The following GRAMD1C variants were observed in gnomAD, a reference collection of about 807,000 sequenced individuals.
The protein encoded by GRAMD1C is protein Aster-C.
A neutral mutation model predicts 97.8 loss-of-function variants in GRAMD1C; 89 were observed. The observed-to-expected ratio is 0.91, with a 90% CI of 0.77 to 1.09. The LOEUF (loss-of-function observed/expected upper bound fraction) is 1.09, where lower values mean the gene tolerates loss of function less well. Among genes scored for constraint, GRAMD1C ranks in the 50% least tolerant of loss-of-function variants. The probability of loss-of-function intolerance (pLI) is 0.00; values close to 1 mark genes in which losing one functional copy is unlikely to be tolerated. For missense variants in GRAMD1C, 740 were observed against 766.4 expected, an observed-to-expected ratio of 0.97 and a Z score of 0.41; for synonymous variants, 256 against 267.0, an observed-to-expected ratio of 0.96 and a Z score of 0.40.
chr3:113,904,032 A>G, intron 7 of GRAMD1C, 108 bp from the exon 8 acceptor site: 1 of 730,624 alleles, frequency 1.4e-6, no homozygotes, highest in Non-Finnish European at 2.3e-6. Flanking sequence ...ACAGTAGTCC[A>G]TTTATTATCA....
At chr3:113,916,079 A>G (rs557154152) in intron 10 of GRAMD1C, among the ~76,000 whole-genome samples, 2 of 152,240 alleles carry the variant, frequency 1.3e-5, no homozygotes, top group Non-Finnish European at 2.9e-5. Flanking sequence ...AACTAAAAGT[A>G]TATTTATTCA....
rs1374217258 is a variant in GRAMD1C, at chr3:113,871,755, A to AAC, written c.259+2165_259+2166insCA. On this transcript the variant is annotated intron_variant, in intron 3 of 17. Coordinates refer to ENST00000358160, the MANE Select transcript of GRAMD1C (RefSeq NM_017577.5). The stretch of plus-strand genomic sequence containing the variant: ...GTGAGACTCTGTCTCAAAAAAAAAA[A>AAC]AAAAAAAAAAACAACCAACAATAAC... Among the ~76,000 whole-genome samples, 230 of 150,470 alleles carry AAC rather than the reference A, an allele frequency of 1.5e-3. 1 individual carries two copies. The highest frequency in any genetic ancestry group is 6.9e-3 in the Middle Eastern group (2 of 290).
intron 13 of GRAMD1C, 59 bp from the exon 14 acceptor site, chr3:113,936,207 T>C: frequency 2.1e-6 from 2 of 964,004 alleles, no homozygotes; most frequent in South Asian, 3.2e-5. Flanking sequence ...CAAAACCCAT[T>C]GTATCTTATA....
intron 2 of GRAMD1C, among the ~76,000 whole-genome samples, chr3:113,851,353 T>G (rs1370539986): frequency 6.6e-6 from 1 of 152,082 alleles, no homozygotes; most frequent in Non-Finnish European, 1.5e-5. Context: ...TAAAAAAGAT[T>G]AGAGTTCGAA....
chr3:113,932,683 G>A (rs2107368419), intron 11 of GRAMD1C, among the ~76,000 whole-genome samples: 1 of 152,222 alleles, frequency 6.6e-6, no homozygotes, highest in Admixed American at 6.5e-5. Flanking sequence ...AAATGACACA[G>A]GGGCAGCAAA....
chr3:113,923,480 G>C (rs979004179), intron 10 of GRAMD1C, among the ~76,000 whole-genome samples: 9 of 152,280 alleles, frequency 5.9e-5, no homozygotes, highest in African/African-American at 2.2e-4. Context: ...AACATGAACA[G>C]ATGTTGAATT....
intron 6 of GRAMD1C, chr3:113,885,712 T>C (rs999392324): frequency 3.2e-6 from 5 of 1,542,234 alleles, no homozygotes; most frequent in Admixed American, 3.3e-5. Context: ...ATCTATGGCT[T>C]TGCTGTGGCA....
At chr3:113,877,176 T>C (rs534483544) in intron 5 of GRAMD1C, among the ~76,000 whole-genome samples, 61 of 152,208 alleles carry the variant, frequency 4.0e-4, no homozygotes, top group Non-Finnish European at 8.1e-4. Flanking sequence ...CTTATCCCTA[T>C]AGAACACTTG....
intron 1 of GRAMD1C, among the ~76,000 whole-genome samples, chr3:113,829,329 C>A (rs1709529099): frequency 6.6e-6 from 1 of 152,122 alleles, no homozygotes; most frequent in South Asian, 2.1e-4. Context: ...GGGCCTGTGG[C>A]CCCAGGTACT....
intron 1 of GRAMD1C, among the ~76,000 whole-genome samples, chr3:113,829,888 T>G (rs927300351): frequency 6.6e-6 from 1 of 152,090 alleles, no homozygotes; most frequent in African/African-American, 2.4e-5. Context: ...CTGAGGTTCG[T>G]TGTCCCACGG....
chr3:113,910,094 A>T (rs946326336), intron 9 of GRAMD1C, among the ~76,000 whole-genome samples: 1 of 152,188 alleles, frequency 6.6e-6, no homozygotes, highest in Non-Finnish European at 1.5e-5. Context: ...ATTAAAAAAA[A>T]CTTATTTGGC....
chr3:113,834,705 G>A (rs181254462), upstream of GRAMD1C, among the ~76,000 whole-genome samples: 8 of 151,528 alleles, frequency 5.3e-5, no homozygotes, highest in African/African-American at 1.9e-4. Flanking sequence ...GAAGCCCAAG[G>A]AGGGTGGATC....
At chr3:113,941,951 C>T (rs1452962843) in intron 17 of GRAMD1C, among the ~76,000 whole-genome samples, 1 of 147,084 alleles carries the variant, frequency 6.8e-6, no homozygotes, top group African/African-American at 2.6e-5. Context: ...GAGTCTTACT[C>T]TGTCACCCAA....
chr3:113,917,571 C>T (rs567295476), intron 10 of GRAMD1C, among the ~76,000 whole-genome samples: 9 of 152,278 alleles, frequency 5.9e-5, no homozygotes, highest in South Asian at 4.1e-4. Context: ...ATCTAACCCC[C>T]TCAGCCTCCC....
chr3:113,884,272 A>C (rs1288208742), intron 6 of GRAMD1C, among the ~76,000 whole-genome samples: 3 of 152,226 alleles, frequency 2.0e-5, no homozygotes, highest in African/African-American at 7.2e-5. Context: ...CTCTGAGCAC[A>C]ATGGCATGAA....
At chr3:113,920,295 AAAGAGCAAAACTCCATATATATT>A in intron 10 of GRAMD1C, 2 of 491,872 alleles carry the variant, frequency 4.1e-6, no homozygotes, top group South Asian at 2.7e-5. Context: ...TAGAGGGGAG[AAAGAGCAAAACTCCATATATATT>A]AGTCTTCCTT....
In GRAMD1C at chr3:113,882,852, G is replaced by T; in HGVS notation, c.540+20G>T. The T allele has an allele frequency of 8.1e-7, 1 of 1,229,562 alleles. No individual in the cohort carries two copies. 76.2% of individuals were successfully genotyped at this position (1,229,562 alleles called of 1,614,324 possible). ...GATAAGGTAAGTGTTCATACCAGAG[G>T]CAGTTGCTTATTATAAGAACCTCCT... On this transcript the variant is annotated intron_variant, in intron 6 of 17. Coordinates refer to ENST00000358160, the MANE Select transcript of GRAMD1C (RefSeq NM_017577.5).
At chr3:113,854,711 ACTT>A (rs371803087) in intron 2 of GRAMD1C, among the ~76,000 whole-genome samples, 93 of 152,284 alleles carry the variant, frequency 6.1e-4, no homozygotes, top group African/African-American at 2.0e-3. Flanking sequence ...AAACGTATAT[ACTT>A]CTTTAAAGAT....
intron 6 of GRAMD1C, among the ~76,000 whole-genome samples, chr3:113,889,743 A>G (rs897181618): frequency 2.6e-5 from 4 of 151,276 alleles, no homozygotes; most frequent in Admixed American, 2.0e-4. Flanking sequence ...GGTTCAAGTG[A>G]TTCTCCTGCC....
Sources: gnomAD v4.1 joint callset for allele counts (sites outside exome capture counted in the v4.1 genomes callset) on GRCh38, gnomAD v4.1.1 for gene constraint, MANE v1.5 for transcripts, NCBI Gene and HGNC (gene_info 2026-07-23, HGNC 2026-07-21) for gene names.